The following MMAA variants were observed in gnomAD, a reference collection of about 807,000 sequenced individuals.
The protein encoded by MMAA is metabolism of cobalamin associated A, also known as methylmalonic aciduria type A protein, mitochondrial.
Under a neutral mutation model 45.0 loss-of-function variants are expected in MMAA, and 41 were observed. The ratio of observed to expected loss-of-function variants is 0.91; its 90% CI spans 0.71 to 1.18. The LOEUF (loss-of-function observed/expected upper bound fraction) is 1.18, where lower values mean the gene tolerates loss of function less well. Among genes scored for constraint, MMAA ranks in the 50% most tolerant of loss-of-function variants. The pLI is 0.00. For missense variants in MMAA, 460 were observed against 495.7 expected, an observed-to-expected ratio of 0.93 and a Z score of 0.68; for synonymous variants, 154 against 178.2, an observed-to-expected ratio of 0.86 and a Z score of 1.08.
At chr4:145,625,753 A>G in intron 1 of MMAA, 1 of 1,328,970 alleles carries the variant, frequency 7.5e-7, no homozygotes, top group Admixed American at 1.7e-5. Flanking sequence ...TGGCCTGATA[A>G]CCAGTAGAGC....
intron 1 of MMAA, among the ~76,000 whole-genome samples, chr4:145,632,291 T>G (rs1302601127): frequency 1.3e-5 from 2 of 152,234 alleles, no homozygotes; most frequent in Non-Finnish European, 2.9e-5. Context: ...TACATTTGTT[T>G]TTTTCCCTTC....
intron 1 of MMAA, 91 bp from the exon 2 acceptor site, chr4:145,638,984 G>A: frequency 2.9e-6 from 2 of 684,536 alleles, no homozygotes; most frequent in Non-Finnish European, 5.0e-6. Context: ...GTGTGGTTTA[G>A]AATATGGGGG....
Position 145,654,125 on chromosome 4 carries a change from A to C in MMAA, c.951A>C (p.Ser317=). The change falls in exon 6 of 7, where the codon TCA becomes TCC. Residue 317 remains serine, a synonymous_variant. Coordinates refer to ENST00000649156, the MANE Select transcript of MMAA (RefSeq NM_172250.3). The stretch of plus-strand genomic sequence containing the variant: ...CACTGAAATTACTCCGCAAACGTTC[A>C]CAAGTCTGGAAACCAAAGGTAAGCT... ...VSALKLLRKR[S]QVWKPKVIRI... 6.2e-7 allele frequency: 1 copy of C among 1,614,180 alleles called. No individual in the cohort carries two copies. Among genetic ancestry groups the C allele is most frequent in the Non-Finnish European group, 8.5e-7 (1 of 1,180,000 alleles).
chr4:145,627,591 T>C (rs889110174), intron 1 of MMAA, among the ~76,000 whole-genome samples: 1 of 152,096 alleles, frequency 6.6e-6, no homozygotes, highest in Non-Finnish European at 1.5e-5. Flanking sequence ...TATAAGTAGA[T>C]AAATTAGAAA....
chr4:145,633,977 T>G (rs1727539721), intron 1 of MMAA, among the ~76,000 whole-genome samples: 1 of 152,234 alleles, frequency 6.6e-6, no homozygotes, highest in African/African-American at 2.4e-5. Context: ...AGCAACCCTG[T>G]GGTCACCACC....
At chr4:145,651,673 G>A (rs894929033) in intron 5 of MMAA, among the ~76,000 whole-genome samples, 10 of 152,116 alleles carry the variant, frequency 6.6e-5, no homozygotes, top group African/African-American at 2.4e-4. Flanking sequence ...TCTGACCAAC[G>A]GGCTATAAAT....
intron 4 of MMAA, among the ~76,000 whole-genome samples, chr4:145,647,364 G>A (rs1438610710): frequency 6.6e-6 from 1 of 152,190 alleles, no homozygotes; most frequent in African/African-American, 2.4e-5. Context: ...AAGAGAAAAG[G>A]ACTGAATGAG....
At position 145,643,355 on chromosome 4, in the gene MMAA, T is replaced by C. The variant is rs967275053; in HGVS notation, c.562+870T>C. Among the ~76,000 whole-genome samples, 6 of 152,282 alleles carry C rather than the reference T, an allele frequency of 3.9e-5. No homozygotes were observed. The East Asian group carries it at 1.2e-3, about 29-fold the overall frequency. ...TCCTGGCTTTAGTGAGGTTTACATC[T>C]TATGCAGGAAACACAAACACAGGCC... On this transcript the variant is annotated intron_variant, in intron 3 of 6. Coordinates refer to ENST00000649156, the MANE Select transcript of MMAA (RefSeq NM_172250.3).
chr4:145,626,088 T>C, intron 1 of MMAA: 1 of 732,222 alleles, frequency 1.4e-6, no homozygotes, highest in East Asian at 2.5e-5. Context: ...GGAGGGGACC[T>C]TGGGTGGACT....
At chr4:145,620,153 T>C (rs536852140) in intron 1 of MMAA, among the ~76,000 whole-genome samples, 9 of 152,372 alleles carry the variant, frequency 5.9e-5, no homozygotes, top group Admixed American at 2.0e-4. Context: ...ATTTTGCTGT[T>C]GTCTACAATG....
At chr4:145,621,190 A>T (rs1734081767) in intron 1 of MMAA, among the ~76,000 whole-genome samples, 1 of 152,166 alleles carries the variant, frequency 6.6e-6, no homozygotes, top group Admixed American at 6.5e-5. Flanking sequence ...TAATGTTTTC[A>T]TTTTGTAAGT....
In MMAA at chr4:145,657,575, A is replaced by G. The variant is rs1361904926; in HGVS notation, c.*2141A>G. ...TAGTTTCTTTATCTGTAAAATTAAGATAATAGCTACTTTACAGGGTTGGAA... is the reference window on the plus strand; with the variant it reads ...TAGTTTCTTTATCTGTAAAATTAAGGTAATAGCTACTTTACAGGGTTGGAA... On this transcript the variant is annotated 3_prime_UTR_variant, in exon 7 of 7. Coordinates refer to ENST00000649156, the MANE Select transcript of MMAA (RefSeq NM_172250.3). 6.6e-6 allele frequency: 1 copy of G among 152,180 alleles called. No individual in the cohort carries two copies. The highest frequency in any genetic ancestry group is 1.5e-5 in the Non-Finnish European group (1 of 68,026). 9.4% of individuals were successfully genotyped at this position (152,180 alleles called of 1,614,324 possible).
At chr4:145,634,230 C>T (rs1341459528) in intron 1 of MMAA, among the ~76,000 whole-genome samples, 1 of 152,168 alleles carries the variant, frequency 6.6e-6, no homozygotes, top group African/African-American at 2.4e-5. Flanking sequence ...TGGAAATCTA[C>T]GTGATGCTGT....
chr4:145,632,630 A>G (rs1727480333), intron 1 of MMAA, among the ~76,000 whole-genome samples: 1 of 152,146 alleles, frequency 6.6e-6, no homozygotes, highest in Admixed American at 6.5e-5. Context: ...TTTAAGGCCA[A>G]TAGCTCTTAG....
At chr4:145,654,197 A>G in intron 6 of MMAA, 54 bp downstream of exon 6, 2 of 1,599,996 alleles carry the variant, frequency 1.3e-6, no homozygotes, top group Non-Finnish European at 1.7e-6. Context: ...TGTACATTAG[A>G]AGACAGGATA....
At chr4:145,643,426 T>A (rs1026915114) in intron 3 of MMAA, among the ~76,000 whole-genome samples, 1 of 152,176 alleles carries the variant, frequency 6.6e-6, no homozygotes, top group African/African-American at 2.4e-5. Flanking sequence ...CAAGATGCTT[T>A]ATGGAAGTAT....
At chr4:145,642,596 C>T (rs895556812) in intron 3 of MMAA, 111 bp downstream of exon 3, 5 of 1,465,632 alleles carry the variant, frequency 3.4e-6, no homozygotes, top group African/African-American at 1.4e-5. Flanking sequence ...AGTTTGGTCT[C>T]GCTAAAGGAA....
At chr4:145,625,485 T>C in intron 1 of MMAA, 1 of 721,980 alleles carries the variant, frequency 1.4e-6, no homozygotes, top group South Asian at 1.4e-5. Context: ...GGCATAGGGA[T>C]ATAGCCTCTT....
chr4:145,633,862 T>C (rs1220281200), intron 1 of MMAA, among the ~76,000 whole-genome samples: 1 of 152,240 alleles, frequency 6.6e-6, no homozygotes, highest in Admixed American at 6.5e-5. Flanking sequence ...TCCTGAAGAA[T>C]TCTCTGGATT....
Sources: gnomAD v4.1 joint callset for allele counts (sites outside exome capture counted in the v4.1 genomes callset) on GRCh38, gnomAD v4.1.1 for gene constraint, MANE v1.5 for transcripts, NCBI Gene and HGNC (gene_info 2026-07-23, HGNC 2026-07-21) for gene names.